Variants in INTS12 observed in about 807,000 individuals in gnomAD.
The protein encoded by INTS12 is PHD finger protein 22.
INTS12 carries 13 observed loss-of-function variants against 41.6 expected under a neutral mutation model. The observed-to-expected ratio is 0.31, with a 90% CI of 0.20 to 0.50. INTS12 has a LOEUF of 0.50. Ranked by LOEUF, INTS12 falls within the 20% of genes least tolerant of loss-of-function variation. The probability of loss-of-function intolerance (pLI) is 0.98; values close to 1 mark genes in which losing one functional copy is unlikely to be tolerated. For synonymous variants in INTS12, 199 were observed against 191.4 expected, an observed-to-expected ratio of 1.04 and a Z score of -0.33; for missense variants, 432 against 541.6, an observed-to-expected ratio of 0.80 and a Z score of 2.01.
At chr4:105,689,723 C>A (rs1235714239) in intron 6 of INTS12, among the ~76,000 whole-genome samples, 2 of 151,868 alleles carry the variant, frequency 1.3e-5, no homozygotes, top group Non-Finnish European at 2.9e-5. Flanking sequence ...GGCAATGTAG[C>A]AAGACTCCAT....
intron 1 of INTS12, among the ~76,000 whole-genome samples, 200 bp from the exon 2 acceptor site, chr4:105,704,009 A>ATCT (rs945120968): frequency 6.7e-6 from 1 of 149,436 alleles, no homozygotes; most frequent in East Asian, 2.0e-4. Context: ...TATTTCCCAT[A>ATCT]TCTTCTTTTT....
intron 3 of INTS12, among the ~76,000 whole-genome samples, chr4:105,696,640 G>A (rs1731878506): frequency 6.6e-6 from 1 of 152,012 alleles, no homozygotes; most frequent in Non-Finnish European, 1.5e-5. Context: ...TGCAGTTTGG[G>A]ACTATTACAA....
chr4:105,693,490 TA>T lies in INTS12; in HGVS notation c.310-5del. Reference sequence around the variant, plus strand: ...CTTCAGTGATGTCTGATTTCATCTATAAAAAGCAGGCATCAGAAAATGATAA... The same window carrying T: ...CTTCAGTGATGTCTGATTTCATCTATAAAAGCAGGCATCAGAAAATGATAA... On this transcript the variant is annotated splice_polypyrimidine_tract_variant and splice_region_variant and intron_variant, in intron 4 of 7. Coordinates refer to ENST00000340139, the MANE Select transcript of INTS12 (RefSeq NM_020395.4). 2.5e-6 allele frequency: 4 copies of T among 1,600,784 alleles called. No individual in the cohort carries two copies. In the South Asian group the frequency reaches 4.4e-5, roughly 18 times the overall value.
intron 3 of INTS12, among the ~76,000 whole-genome samples, chr4:105,698,480 C>T (rs906534119): frequency 6.6e-6 from 1 of 152,112 alleles, no homozygotes; most frequent in Non-Finnish European, 1.5e-5. Flanking sequence ...CTAAGGGCAG[C>T]GTGCTTTTTA....
chr4:105,695,439 G>T lies in INTS12; in HGVS notation c.309+77C>A, dbSNP rs1026303600. 4 of 1,053,618 alleles carry T rather than the reference G, an allele frequency of 3.8e-6. No individual in the cohort carries two copies. The African/African-American group carries it at 4.8e-5, about 13-fold the overall frequency. The allele number at this position is 1,053,618 out of a possible 1,614,324, so 65.3% of individuals were successfully genotyped here. A position where few individuals can be genotyped will look rare whatever the true frequency, so the allele number is the denominator to read the frequency against. On this transcript the variant is annotated intron_variant, in intron 4 of 7. Transcript: ENST00000340139. ...TACCCATTATTATATAAAAGAAATA[G>T]GCATAAAACATTGTTTCTTTCTGCT... is the stretch of plus-strand genomic sequence containing the variant.
chr4:105,690,655 T>C (rs1387951546), intron 6 of INTS12, among the ~76,000 whole-genome samples: 1 of 152,044 alleles, frequency 6.6e-6, no homozygotes, highest in Admixed American at 6.6e-5. Flanking sequence ...GGAAGAGGGT[T>C]AGAACCATAA....
Position 105,683,101 on chromosome 4 carries a change from T to C in INTS12, c.1021A>G (p.Lys341Glu). 1.9e-6 allele frequency: 3 copies of C among 1,614,122 alleles called. No homozygotes were observed. Among genetic ancestry groups the C allele is most frequent in the East Asian group, 2.2e-5 (1 of 44,880 alleles). Residue 341 changes from lysine to glutamate, a missense_variant, in exon 8 of 8, where the codon AAA becomes GAA. Lys to Glu is a moderately conservative substitution (Grantham distance 56). Coordinates refer to ENST00000340139, the MANE Select transcript of INTS12 (RefSeq NM_020395.4). ...VGLTGLATSSKGGIGSKIGSN... is the reference protein window; with the variant it reads ...VGLTGLATSSEGGIGSKIGSN... ...CCTATTTTGGAACCTATTCCACCTT[T>C]GGATGATGTTGCCAGACCAGTCAAA...
chr4:105,698,942 A>G (rs1014579633), intron 3 of INTS12, among the ~76,000 whole-genome samples: 3 of 152,148 alleles, frequency 2.0e-5, no homozygotes, highest in African/African-American at 4.8e-5. Context: ...TGAGGGTCAG[A>G]GCTTAGAAGG....
At chr4:105,693,022 T>G (rs1731742701) in intron 5 of INTS12, among the ~76,000 whole-genome samples, 1 of 152,168 alleles carries the variant, frequency 6.6e-6, no homozygotes, top group Non-Finnish European at 1.5e-5. Flanking sequence ...TATATCATAA[T>G]ATAATAATCA....
At chr4:105,691,887 A>G in intron 6 of INTS12, 89 bp downstream of exon 6, 1 of 925,960 alleles carries the variant, frequency 1.1e-6, no homozygotes, top group South Asian at 2.2e-5. Flanking sequence ...TTTTTTCAAT[A>G]TCTTAAATAT....
intron 1 of INTS12, among the ~76,000 whole-genome samples, chr4:105,705,132 G>A (rs1373250859): frequency 1.3e-5 from 2 of 152,204 alleles, no homozygotes; most frequent in Non-Finnish European, 2.9e-5. Flanking sequence ...GCAAGCGAGG[G>A]AAGCTTCATT....
At chr4:105,690,114 A>G (rs1731633199) in intron 6 of INTS12, among the ~76,000 whole-genome samples, 1 of 152,226 alleles carries the variant, frequency 6.6e-6, no homozygotes, top group Non-Finnish European at 1.5e-5. Context: ...ATATGGGAAC[A>G]TGAAAGTTCT....
At chr4:105,696,725 G>C (rs1731881970) in intron 3 of INTS12, among the ~76,000 whole-genome samples, 1 of 152,060 alleles carries the variant, frequency 6.6e-6, no homozygotes, top group Non-Finnish European at 1.5e-5. Context: ...GAAAAAATAG[G>C]AGTGGGTTAT....
intron 2 of INTS12, among the ~76,000 whole-genome samples, chr4:105,700,706 A>ACACACACACAC (rs1732036604): frequency 7.4e-6 from 1 of 134,752 alleles, no homozygotes; most frequent in South Asian, 2.4e-4. Flanking sequence ...ATCTACTTAA[A>ACACACACACAC]ACACACACAC....
Position 105,683,293 on chromosome 4 carries a change from A to C in INTS12, c.829T>G (p.Ser277Ala). Residue 277 changes from serine to alanine, a missense_variant, in exon 8 of 8, where the codon TCT (serine) becomes GCT (alanine). Ser to Ala is a moderately conservative substitution (Grantham distance 99, BLOSUM62 1). This residue lies in a region of INTS12 where 258 missense variants were observed against 309.9 expected (regional missense o/e 0.83). Coordinates refer to ENST00000340139, the MANE Select transcript of INTS12 (RefSeq NM_020395.4). ...GACGAGGAAACGCTGGCACTAGAAG[A>C]ATTTCCTGAAATAACTGTGGATGTC... The part of the protein sequence containing the change: ...VKTSTVISGN[S>A]SSASVSSSVT... The C allele has an allele frequency of 6.2e-7, 1 of 1,611,486 alleles. No individual in the cohort carries two copies. The highest frequency in any genetic ancestry group is 8.5e-7 in the Non-Finnish European group (1 of 1,178,896).
At position 105,702,853 on chromosome 4, in the gene INTS12, G is replaced by C. The variant is rs183589297; in HGVS notation, c.-10+795C>G. On this transcript the variant is annotated intron_variant, in intron 2 of 7. Transcript: ENST00000340139. ...AAAATAAAACACTTATGGTTATGTG[G>C]TTTATATTTTATATTTTAGTTTTCT... 187 of 966,194 alleles carry C rather than the reference G, an allele frequency of 1.9e-4. 2 individuals carry two copies. In the Middle Eastern group the frequency reaches 2.1e-3, roughly 11 times the overall value. 59.9% of individuals were successfully genotyped at this position (966,194 alleles called of 1,614,324 possible).
At chr4:105,695,332 T>C (rs1057145256) in intron 4 of INTS12, among the ~76,000 whole-genome samples, 184 bp downstream of exon 4, 1 of 152,194 alleles carries the variant, frequency 6.6e-6, no homozygotes, top group South Asian at 2.1e-4. Context: ...CTTTAAAATT[T>C]GTAAATTTTA....
In INTS12 at chr4:105,682,989, CT is replaced by C; in HGVS notation, c.1132del (p.Ser378ValfsTer8). ...LGKTGLSRSV[S>X]CDNVSKVGLP... ...ACCTACTTTGCTGACATTGTCACAA[CT>C]AACTGAGCGACTAAGGCCAGTTTTA... On this transcript the variant is annotated frameshift_variant, in exon 8 of 8. Coordinates refer to ENST00000340139, the MANE Select transcript of INTS12 (RefSeq NM_020395.4). LOFTEE classifies it high-confidence loss of function. The C allele has an allele frequency of 6.2e-7, 1 of 1,614,116 alleles. No homozygotes were observed. Among genetic ancestry groups the C allele is most frequent in the Non-Finnish European group, 8.5e-7 (1 of 1,179,962 alleles).
intron 2 of INTS12, chr4:105,703,029 C>A: frequency 1.0e-6 from 1 of 984,682 alleles, no homozygotes; most frequent in Non-Finnish European, 1.2e-6. Context: ...TTGATCTACA[C>A]ATACAAAAAT....
Sources: gnomAD v4.1 joint callset for allele counts (sites outside exome capture counted in the v4.1 genomes callset) on GRCh38, gnomAD v4.1.1 for gene constraint, gnomAD v4.1.1 regional missense constraint, MANE v1.5 for transcripts, NCBI Gene and HGNC (gene_info 2026-07-23, HGNC 2026-07-21) for gene names.